The following POC5 variants were observed in gnomAD, a reference collection of about 807,000 sequenced individuals.
The protein encoded by POC5 is centrosomal protein POC5.
In POC5, 48 loss-of-function variants were observed where a neutral mutation model predicts 62.9. The ratio of observed to expected loss-of-function variants is 0.76; its 90% CI spans 0.61 to 0.97. The LOEUF (loss-of-function observed/expected upper bound fraction) is 0.97, where lower values mean the gene tolerates loss of function less well. Among genes scored for constraint, POC5 ranks in the 50% least tolerant of loss-of-function variants. The pLI is 0.00. For missense variants in POC5, 696 were observed against 679.5 expected, an observed-to-expected ratio of 1.02 and a Z score of -0.27; for synonymous variants, 236 against 228.2, an observed-to-expected ratio of 1.03 and a Z score of -0.31.
intron 9 of POC5, among the ~76,000 whole-genome samples, chr5:75,686,965 A>G (rs1032830868): frequency 1.3e-5 from 2 of 152,220 alleles, no homozygotes; most frequent in African/African-American, 4.8e-5. Context: ...AAAAAACCAA[A>G]TATTTATTTT....
At chr5:75,696,764 G>T (rs1377726364) in intron 5 of POC5, among the ~76,000 whole-genome samples, 1 of 152,076 alleles carries the variant, frequency 6.6e-6, no homozygotes, top group South Asian at 2.1e-4. Context: ...TCCGAGCTAC[G>T]GGAGGACATT....
intron 4 of POC5, among the ~76,000 whole-genome samples, chr5:75,703,966 C>T (rs1379413168): frequency 6.6e-6 from 1 of 151,886 alleles, no homozygotes; most frequent in Non-Finnish European, 1.5e-5. Context: ...CCAGCCTGGC[C>T]AACATGGTAA....
chr5:75,691,835 T>C (rs1346592116), intron 7 of POC5, among the ~76,000 whole-genome samples: 1 of 152,186 alleles, frequency 6.6e-6, no homozygotes, highest in Non-Finnish European at 1.5e-5. Flanking sequence ...TATTTACTGA[T>C]ATACCAACTC....
chr5:75,689,090 T>C lies in POC5; in HGVS notation c.1051A>G (p.Met351Val), dbSNP rs1470703816. 1.2e-6 allele frequency: 2 copies of C among 1,601,488 alleles called. No individual in the cohort carries two copies. Among genetic ancestry groups the C allele is most frequent in the Admixed American group, 1.7e-5 (1 of 58,586 alleles). Residue 351 changes from methionine to valine, a missense_variant, in exon 9 of 12, where the codon ATG becomes GTG. Met to Val is a conservative substitution (Grantham distance 21). Transcript: ENST00000428202. ...ACACCCCTCATGAAAGCTTTTTTCA[T>C]GGAATCTTCAAAGTGCTCTTTTTCA... ...QHEKEHFEDSMKKAFMRGVCA... is the reference protein window; with the variant it reads ...QHEKEHFEDSVKKAFMRGVCA...
At chr5:75,710,470 A>G (rs889082974) in intron 2 of POC5, among the ~76,000 whole-genome samples, 6 of 152,126 alleles carry the variant, frequency 3.9e-5, no homozygotes, top group Non-Finnish European at 4.4e-5. Flanking sequence ...GGGCCCTGAG[A>G]GCATTAATGT....
Position 75,690,547 on chromosome 5 carries a change from G to C in POC5, c.811C>G (p.Leu271Val). Residue 271 changes from leucine to valine, a missense_variant, in exon 8 of 12, where the codon CTA (leucine) becomes GTA (valine). Physicochemically the swap from Leu to Val is conservative, Grantham distance 32. Transcript: ENST00000428202. The part of the protein sequence containing the change: ...RARQDVYEGK[L>V]ADQYYQRTLL... ...GTTCTCTGGTAGTACTGGTCAGCTAGTTTACCTTCATAAACCTAAATAAAA... is the reference window on the plus strand; with the variant it reads ...GTTCTCTGGTAGTACTGGTCAGCTACTTTACCTTCATAAACCTAAATAAAA... 6.3e-7 allele frequency: 1 copy of C among 1,579,920 alleles called. No homozygotes were observed. Among genetic ancestry groups the C allele is most frequent in the Non-Finnish European group, 8.6e-7 (1 of 1,162,452 alleles).
At position 75,702,807 on chromosome 5, in the gene POC5, G is replaced by C. The variant is rs959148014; in HGVS notation, c.311C>G (p.Ser104Ter). 5 of 1,563,976 alleles carry C rather than the reference G, an allele frequency of 3.2e-6. No homozygotes were observed. The highest frequency in any genetic ancestry group is 4.3e-6 in the Non-Finnish European group (5 of 1,152,026). The change falls in exon 5 of 12, where the codon TCA becomes TGA. Residue 104 changes from serine to a stop codon, truncating the protein, a stop_gained. Coordinates refer to ENST00000428202, the MANE Select transcript of POC5 (RefSeq NM_001099271.2). LOFTEE classifies it high-confidence loss of function. Reference sequence around the variant, plus strand: ...CTTCCTTGGCGATAACACTGGTGATGACTCTGAATAAAAGAAAAGTTGTAG... The same window carrying C: ...CTTCCTTGGCGATAACACTGGTGATCACTCTGAATAAAAGAAAAGTTGTAG... The part of the protein sequence containing the change: ...HISSHSKTDE[S>*]SPVLSPRKPS...
intron 10 of POC5, among the ~76,000 whole-genome samples, chr5:75,682,434 G>T (rs1457229275): frequency 6.6e-6 from 1 of 151,898 alleles, no homozygotes; most frequent in East Asian, 1.9e-4. Flanking sequence ...ATCTGTGCAG[G>T]ATCACACTTC....
chr5:75,701,643 C>T (rs948942632), intron 5 of POC5, among the ~76,000 whole-genome samples: 9 of 149,692 alleles, frequency 6.0e-5, no homozygotes, highest in Non-Finnish European at 8.9e-5. Flanking sequence ...GTGGGTGCAG[C>T]GCACCAGCAT....
Position 75,689,021 on chromosome 5 carries a change from TTC to T in POC5, c.1118_1119del (p.Arg373LysfsTer2), listed in dbSNP as rs1776207541. On this transcript the variant is annotated frameshift_variant, in exon 9 of 12. Coordinates refer to ENST00000428202, the MANE Select transcript of POC5 (RefSeq NM_001099271.2). LOFTEE classifies it high-confidence loss of function. ...NLEAMTIFQN[R>X]NDAGIDSTNN... The stretch of plus-strand genomic sequence containing the variant: ...TTAATGAAATACTAACCTGCATCAT[TTC>T]TGTTTTGAAATATAGTCATGGCTTC... The T allele has an allele frequency of 6.4e-7, 1 of 1,563,410 alleles. No individual in the cohort carries two copies. The highest frequency in any genetic ancestry group is 1.4e-5 in the African/African-American group (1 of 72,676).
chr5:75,708,067 A>T (rs1777196677), intron 2 of POC5, among the ~76,000 whole-genome samples, 192 bp from the exon 3 acceptor site: 1 of 152,160 alleles, frequency 6.6e-6, no homozygotes, highest in Non-Finnish European at 1.5e-5. Context: ...TATGATTAAC[A>T]GTTTGAAGAG....
At chr5:75,701,599 T>C (rs376338953) in intron 5 of POC5, among the ~76,000 whole-genome samples, 31,460 of 136,228 alleles carry the variant, frequency 0.23, 3,900 homozygotes, top group South Asian at 0.31. Flanking sequence ...AGGGATAGCA[T>C]TGGGAGATAT....
chr5:75,717,379 A>C lies in POC5; in HGVS notation c.-88T>G, dbSNP rs1356327624. On this transcript the variant is annotated 5_prime_UTR_variant, in exon 1 of 12. Coordinates refer to ENST00000428202, the MANE Select transcript of POC5 (RefSeq NM_001099271.2). Reference sequence around the variant, plus strand: ...CCGCGTCGCAGCTGCAGTGTCAGCAAGTGCAGCCTCAGCAAGCACAACCGC... The same window carrying C: ...CCGCGTCGCAGCTGCAGTGTCAGCACGTGCAGCCTCAGCAAGCACAACCGC... 2 of 152,254 alleles carry C rather than the reference A, an allele frequency of 1.3e-5. No homozygotes were observed. The highest frequency in any genetic ancestry group is 2.4e-5 in the African/African-American group (1 of 41,448). 9.4% of individuals were successfully genotyped at this position (152,254 alleles called of 1,614,324 possible).
chr5:75,686,326 C>T (rs1776098009), intron 9 of POC5, among the ~76,000 whole-genome samples: 1 of 152,174 alleles, frequency 6.6e-6, no homozygotes, highest in Non-Finnish European at 1.5e-5. Context: ...TGAGCTGTTT[C>T]AGAACATCTG....
At chr5:75,695,578 TA>T (rs1402772851) in intron 5 of POC5, among the ~76,000 whole-genome samples, 1 of 152,180 alleles carries the variant, frequency 6.6e-6, no homozygotes, top group Non-Finnish European at 1.5e-5. Flanking sequence ...ATAATTTCTC[TA>T]TATATGTGAA....
intron 1 of POC5, among the ~76,000 whole-genome samples, chr5:75,713,475 G>C (rs929914125): frequency 1.3e-5 from 2 of 152,188 alleles, no homozygotes; most frequent in Non-Finnish European, 2.9e-5. Context: ...AGAACAAATA[G>C]TGACTATTCG....
At chr5:75,702,907 T>C (rs766343043) in intron 4 of POC5, 97 bp from the exon 5 acceptor site, 19 of 924,870 alleles carry the variant, frequency 2.1e-5, no homozygotes, top group East Asian at 5.3e-5. Flanking sequence ...CTGCTACTTA[T>C]GGAGGCTGAG....
chr5:75,680,049 T>C (rs888188888), intron 10 of POC5, among the ~76,000 whole-genome samples: 3 of 152,182 alleles, frequency 2.0e-5, no homozygotes, highest in African/African-American at 7.2e-5. Context: ...TTTACAAATA[T>C]GTTTTTGTGG....
chr5:75,705,803 C>G lies in POC5; in HGVS notation c.224-16G>C. On this transcript the variant is annotated splice_polypyrimidine_tract_variant and intron_variant, in intron 3 of 11. Transcript: ENST00000428202. ...GAGTTATTTCCTGCCAAAAAGAAAGCTTTTTAAAATTAAACTGAACCACTC... is the reference window on the plus strand; with the variant it reads ...GAGTTATTTCCTGCCAAAAAGAAAGGTTTTTAAAATTAAACTGAACCACTC... The G allele has an allele frequency of 1.1e-5, 16 of 1,496,046 alleles. No individual in the cohort carries two copies. The highest frequency in any genetic ancestry group is 1.4e-5 in the Non-Finnish European group (16 of 1,113,054). 92.7% of individuals were successfully genotyped at this position (1,496,046 alleles called of 1,614,324 possible). A position where few individuals can be genotyped will look rare whatever the true frequency, so the allele number is the denominator to read the frequency against.
Sources: gnomAD v4.1 joint callset for allele counts (sites outside exome capture counted in the v4.1 genomes callset) on GRCh38, gnomAD v4.1.1 for gene constraint, MANE v1.5 for transcripts, NCBI Gene and HGNC (gene_info 2026-07-23, HGNC 2026-07-21) for gene names.